PTGS2: variants seen among roughly 807,000 people sequenced by gnomAD.
The protein encoded by PTGS2 is prostaglandin-endoperoxide synthase 2.
PTGS2 carries 14 observed loss-of-function variants against 63.8 expected under a neutral mutation model. That is an observed-to-expected ratio of 0.22 (90% CI 0.14 to 0.34). PTGS2 has a LOEUF of 0.34. Ranked by LOEUF, PTGS2 falls within the 10% of genes least tolerant of loss-of-function variation. PTGS2 has a pLI of 1.00. For synonymous variants in PTGS2, 271 were observed against 259.5 expected (o/e 1.04, Z -0.43); for missense variants, 533 against 738.5 (o/e 0.72, Z 3.23).
rs766007619 is a variant in PTGS2 at position 186,674,481 on chromosome 1, A to G, written c.1687T>C (p.Phe563Leu). Residue 563 changes from phenylalanine to leucine, a missense_variant, in exon 10 of 10, where the codon TTT becomes CTT. This residue lies in a region of PTGS2 where 219 missense variants were observed against 267.4 expected (regional missense o/e 0.82). Coordinates refer to ENST00000367468, the MANE Select transcript of PTGS2 (RefSeq NM_000963.4). ...GGATCTGGAACACTGAATGAAGTAA[A>G]GGGACAGCCCTTCACGTTATTGCAG... ...LICNNVKGCP[F>L]TSFSVPDPEL... The G allele has an allele frequency of 6.2e-7, 1 of 1,614,212 alleles. No homozygotes were observed. The highest frequency in any genetic ancestry group is 2.2e-5 in the East Asian group (1 of 44,882).
chr1:186,679,223 G>C lies in PTGS2; in HGVS notation c.170-22C>G, dbSNP rs20427. On this transcript the variant is annotated intron_variant, in intron 2 of 9. Transcript: ENST00000367468. ...TCCGCTGCAAGAAGACGAAGAAAGGGAGGGAGAAATTAATGGGACTCATTA... is the reference window on the plus strand; with the variant it reads ...TCCGCTGCAAGAAGACGAAGAAAGGCAGGGAGAAATTAATGGGACTCATTA... 1.9e-3 allele frequency: 3,091 copies of C among 1,613,080 alleles called. 46 individuals carry two copies. The East Asian group carries it at 0.043, about 22-fold the overall frequency.
Position 186,678,347 on chromosome 1 carries a change from C to G in PTGS2, c.371G>C (p.Ser124Thr), listed in dbSNP as rs756733211. 8 of 1,613,440 alleles carry G rather than the reference C, an allele frequency of 5.0e-6. No individual in the cohort carries two copies. In the South Asian group the frequency reaches 8.8e-5, roughly 18 times the overall value. The change falls in exon 4 of 10, where the codon AGC becomes ACC. Residue 124 changes from serine (S) to threonine (T), a missense_variant. Transcript: ENST00000367468. ...GGAGAGGTTAGAGAAGGCTTCCCAG[C>G]TTTTGTAGCCATAGTCAGCATTGTA... ...PTYNADYGYK[S>T]WEAFSNLSYY... is the part of the protein sequence containing the mutation.
At position 186,674,548 on chromosome 1, in the gene PTGS2, C is replaced by T. The variant is rs1272130339; in HGVS notation, c.1620G>A (p.Val540=). The change falls in exon 10 of 10, where the codon GTG becomes GTA. Residue 540 remains valine (V), a synonymous_variant. Coordinates refer to ENST00000367468, the MANE Select transcript of PTGS2 (RefSeq NM_000963.4). ...YWKPSTFGGE[V]GFQIINTASI... is the part of the protein sequence containing the mutation. Reference sequence around the variant, plus strand: ...AGGCAGTGTTGATGATTTGAAAACCCACTTCTCCACCAAAAGTGCTTGGCT... The same window carrying T: ...AGGCAGTGTTGATGATTTGAAAACCTACTTCTCCACCAAAAGTGCTTGGCT... 1 of 1,614,128 alleles carries T rather than the reference C, an allele frequency of 6.2e-7. No individual in the cohort carries two copies. Among genetic ancestry groups the T allele is most frequent in the Non-Finnish European group, 8.5e-7 (1 of 1,180,030 alleles).
rs1416426282 is a variant in PTGS2 at position 186,673,539 on chromosome 1, A to AT, written c.*813_*814insA. 6 of 152,212 alleles carry AT rather than the reference A, an allele frequency of 3.9e-5. No individual in the cohort carries two copies. The highest frequency in any genetic ancestry group is 1.4e-4 in the African/African-American group (6 of 41,472). The allele number at this position is 152,212 out of a possible 1,614,324, so 9.4% of individuals were successfully genotyped here. On this transcript the variant is annotated 3_prime_UTR_variant, in exon 10 of 10. Coordinates refer to ENST00000367468, the MANE Select transcript of PTGS2 (RefSeq NM_000963.4). Reference sequence around the variant, plus strand: ...ATCTCAACAAAATATTCTTATTTTAAGATAACACTGCAGTGGCTCCACCAC... The same window carrying AT: ...ATCTCAACAAAATATTCTTATTTTAATGATAACACTGCAGTGGCTCCACCAC...
At chr1:186,678,215 G>T (rs764942765) in intron 4 of PTGS2, 46 bp downstream of exon 4, 1 of 1,492,442 alleles carries the variant, frequency 6.7e-7, no homozygotes, top group East Asian at 2.4e-5. Flanking sequence ...CAGCAATGCA[G>T]CCCGTCTTAT....
Position 186,672,249 on chromosome 1 carries a change from G to T in PTGS2, c.*2104C>A, listed in dbSNP as rs1447825207. 1.3e-5 allele frequency: 2 copies of T among 151,894 alleles called. No individual in the cohort carries two copies. The highest frequency in any genetic ancestry group is 1.3e-4 in the Admixed American group (2 of 15,232). The allele number at this position is 151,894 out of a possible 1,614,324, so 9.4% of individuals were successfully genotyped here. A position where few individuals can be genotyped will look rare whatever the true frequency, so the allele number is the denominator to read the frequency against. On this transcript the variant is annotated 3_prime_UTR_variant, in exon 10 of 10. Coordinates refer to ENST00000367468, the MANE Select transcript of PTGS2 (RefSeq NM_000963.4). The stretch of plus-strand genomic sequence containing the variant: ...CAGAATATTTTCTCAATAAATTGTG[G>T]CTGAACAAATTAACGAAGCATCCAC...
In PTGS2 at chr1:186,677,630, G is replaced by C; in HGVS notation, c.639+19C>G. Reference sequence around the variant, plus strand: ...TTTGGTATAATTTTACTAACTCTAAGATATTAACTCTATCTTACCCCATGG... The same window carrying C: ...TTTGGTATAATTTTACTAACTCTAACATATTAACTCTATCTTACCCCATGG... On this transcript the variant is annotated intron_variant, in intron 5 of 9. Transcript: ENST00000367468. 6.3e-7 allele frequency: 1 copy of C among 1,577,878 alleles called. No homozygotes were observed. Among genetic ancestry groups the C allele is most frequent in the Non-Finnish European group, 8.6e-7 (1 of 1,162,244 alleles).
Position 186,679,105 on chromosome 1 carries a change from T to C in PTGS2, c.266A>G (p.Asn89Ser). 6.2e-7 allele frequency: 1 copy of C among 1,614,198 alleles called. No individual in the cohort carries two copies. Among genetic ancestry groups the C allele is most frequent in the Non-Finnish European group, 8.5e-7 (1 of 1,180,016 alleles). ...THFKGFWNVVNNIPFLRNAIM... is the reference protein window; with the variant it reads ...THFKGFWNVVSNIPFLRNAIM... ...TGCATTTCGAAGGAAGGGAATGTTA[T>C]TCACAACGTTCCAAAATCCCTTGAA... Residue 89 changes from asparagine to serine, a missense_variant, in exon 3 of 10, where the codon AAT becomes AGT. Asn to Ser is a conservative substitution (Grantham distance 46). Around this residue, in one of 5 missense-constraint regions of PTGS2, gnomAD observed 118 missense variants for 144.6 expected, o/e 0.82. Transcript: ENST00000367468.
chr1:186,673,794 T>C lies in PTGS2; in HGVS notation c.*559A>G, dbSNP rs1012095900. ...AGCTTTTACAGGTGATTCTACCCTA[T>C]GAATTTAGAAATTTCAAATTATTGT... On this transcript the variant is annotated 3_prime_UTR_variant, in exon 10 of 10. Transcript: ENST00000367468. 6.6e-6 allele frequency: 1 copy of C among 152,224 alleles called. No individual in the cohort carries two copies. The highest frequency in any genetic ancestry group is 2.4e-5 in the African/African-American group (1 of 41,452). The allele number at this position is 152,224 out of a possible 1,614,324, so 9.4% of individuals were successfully genotyped here.
chr1:186,679,546 A>G (rs1272087741), intron 1 of PTGS2, 108 bp from the exon 2 acceptor site: 12 of 825,106 alleles, frequency 1.5e-5, no homozygotes, highest in Non-Finnish European at 1.9e-5. Context: ...TTCAAGAAAT[A>G]TATAGGTAGT....
rs2102002957 is a variant in PTGS2 at position 186,671,976 on chromosome 1, CA to C, written c.*2376del. The C allele has an allele frequency of 1.4e-5, 2 of 144,306 alleles. No individual in the cohort carries two copies. The highest frequency in any genetic ancestry group is 5.7e-5 in the African/African-American group (2 of 35,198). 8.9% of individuals were successfully genotyped at this position (144,306 alleles called of 1,614,324 possible). ...TTTGTCAGCAGATCAATGTTAATAA[CA>C]AATCAAGTTTTTTTTTTAAAAAAAA... On this transcript the variant is annotated 3_prime_UTR_variant, in exon 10 of 10. Transcript: ENST00000367468.
At position 186,672,036 on chromosome 1, in the gene PTGS2, ATT is replaced by A. The variant is rs1665697358; in HGVS notation, c.*2315_*2316del. The A allele has an allele frequency of 6.6e-6, 1 of 151,950 alleles. No individual in the cohort carries two copies. Among genetic ancestry groups the A allele is most frequent in the Admixed American group, 6.6e-5 (1 of 15,230 alleles). 9.4% of individuals were successfully genotyped at this position (151,950 alleles called of 1,614,324 possible). On this transcript the variant is annotated 3_prime_UTR_variant, in exon 10 of 10. Coordinates refer to ENST00000367468, the MANE Select transcript of PTGS2 (RefSeq NM_000963.4). ...AGTGTTTTATACAAGCATATTGACT[ATT>A]TCTTTCTTAACCTTAAACATTCTAA... is the stretch of plus-strand genomic sequence containing the variant.
Position 186,673,891 on chromosome 1 carries a change from C to G in PTGS2, c.*462G>C, listed in dbSNP as rs1665733793. 6.6e-6 allele frequency: 1 copy of G among 152,264 alleles called. No individual in the cohort carries two copies. Among genetic ancestry groups the G allele is most frequent in the Non-Finnish European group, 1.5e-5 (1 of 68,034 alleles). 9.4% of individuals were successfully genotyped at this position (152,264 alleles called of 1,614,324 possible). A position where few individuals can be genotyped will look rare whatever the true frequency, so the allele number is the denominator to read the frequency against. ...TAATTTAAATATTCATTTAATAATG[C>G]ACTGATACCTGTTTTTGTTTGATGA... On this transcript the variant is annotated 3_prime_UTR_variant, in exon 10 of 10. Transcript: ENST00000367468.
intron 4 of PTGS2, 124 bp from the exon 5 acceptor site, chr1:186,677,954 T>C: frequency 1.1e-6 from 1 of 910,316 alleles, no homozygotes; most frequent in Non-Finnish European, 1.6e-6. Context: ...GATCATAATA[T>C]AAACAACAGT....
At position 186,671,945 on chromosome 1, in the gene PTGS2, C is replaced by A. The variant is rs1211300606; in HGVS notation, c.*2408G>T. On this transcript the variant is annotated 3_prime_UTR_variant, in exon 10 of 10. Transcript: ENST00000367468. Reference sequence around the variant, plus strand: ...ACATTCGCATACACAACCCAAATTCCCAGGTTTTGTCAGCAGATCAATGTT... The same window carrying A: ...ACATTCGCATACACAACCCAAATTCACAGGTTTTGTCAGCAGATCAATGTT... 1 of 151,802 alleles carries A rather than the reference C, an allele frequency of 6.6e-6. No homozygotes were observed. The highest frequency in any genetic ancestry group is 1.5e-5 in the Non-Finnish European group (1 of 67,924). 9.4% of individuals were successfully genotyped at this position (151,802 alleles called of 1,614,324 possible).
chr1:186,680,226 G>A lies in PTGS2; in HGVS notation c.52+13C>T, dbSNP rs1191802975. 5.2e-6 allele frequency: 8 copies of A among 1,549,690 alleles called. No homozygotes were observed. In the Admixed American group the frequency reaches 5.9e-5, roughly 11 times the overall value. ...GGAACCGGAGTCCCCGGTGCGCGGC[G>A]CCAGGTACTCACCTGTATGGCTGAG... is the stretch of plus-strand genomic sequence containing the variant. On this transcript the variant is annotated intron_variant, in intron 1 of 9. Coordinates refer to ENST00000367468, the MANE Select transcript of PTGS2 (RefSeq NM_000963.4).
intron 2 of PTGS2, 56 bp downstream of exon 2, chr1:186,679,266 C>T: frequency 6.2e-7 from 1 of 1,612,382 alleles, no homozygotes; most frequent in Admixed American, 1.7e-5. Context: ...CAAATCTATA[C>T]AATGATAACT....
At chr1:186,679,495 C>T in intron 1 of PTGS2, 57 bp from the exon 2 acceptor site, 2 of 1,265,216 alleles carry the variant, frequency 1.6e-6, no homozygotes, top group Non-Finnish European at 2.3e-6. Context: ...TTAATTTAAA[C>T]ATTTAATTGT....
In PTGS2 at chr1:186,678,315, T is replaced by C; in HGVS notation, c.403A>G (p.Thr135Ala). Reference protein sequence around the residue: ...WEAFSNLSYYTRALPPVPDDC... With the variant: ...WEAFSNLSYYARALPPVPDDC... ...TCAGGCACAGGAGGAAGGGCTCTAGTATAATAGGAGAGGTTAGAGAAGGCT... is the reference window on the plus strand; with the variant it reads ...TCAGGCACAGGAGGAAGGGCTCTAGCATAATAGGAGAGGTTAGAGAAGGCT... Residue 135 changes from threonine to alanine, a missense_variant, in exon 4 of 10, where the codon ACT becomes GCT. Thr to Ala is a moderately conservative substitution (Grantham distance 58). Transcript: ENST00000367468. 1 of 1,613,416 alleles carries C rather than the reference T, an allele frequency of 6.2e-7. No homozygotes were observed. The highest frequency in any genetic ancestry group is 8.5e-7 in the Non-Finnish European group (1 of 1,179,568).
Sources: allele counts gnomAD v4.1 joint callset, GRCh38; gene constraint gnomAD v4.1.1; regional missense constraint gnomAD v4.1.1; transcripts MANE v1.5; gene names NCBI Gene and HGNC (gene_info 2026-07-23, HGNC 2026-07-21).